The following GLCCI1 variants were observed in gnomAD, a reference collection of about 807,000 sequenced individuals.
The protein encoded by GLCCI1 is glucocorticoid-induced transcript 1 protein.
GLCCI1 carries 24 observed loss-of-function variants against 52.2 expected under a neutral mutation model. The observed-to-expected ratio is 0.46, with a 90% confidence interval of 0.33 to 0.65. GLCCI1 has a LOEUF of 0.65. Ranked by LOEUF, GLCCI1 falls within the 30% of genes least tolerant of loss-of-function variation. The pLI, the probability that GLCCI1 is intolerant of heterozygous loss-of-function variation, is 0.02. For missense variants in GLCCI1, 704 were observed against 701.5 expected, an observed-to-expected ratio of 1.00 and a Z score of -0.04; for synonymous variants, 310 against 276.5, an observed-to-expected ratio of 1.12 and a Z score of -1.20.
At chr7:8,032,929 A>C (rs1253390211) in intron 3 of GLCCI1, among the ~76,000 whole-genome samples, 3 of 152,014 alleles carry the variant, frequency 2.0e-5, no homozygotes, top group Non-Finnish European at 4.4e-5. Context: ...CTGTCCTTTC[A>C]AAGTCAGGCA....
intron 5 of GLCCI1, among the ~76,000 whole-genome samples, chr7:8,064,699 TTTTTA>T (rs986794225): frequency 4.6e-5 from 7 of 151,962 alleles, no homozygotes; most frequent in Admixed American, 1.3e-4. Flanking sequence ...ACAGTATGGC[TTTTTA>T]TTTTATTTTT....
chr7:8,023,388 C>A (rs1447937216), intron 3 of GLCCI1, among the ~76,000 whole-genome samples: 5 of 151,922 alleles, frequency 3.3e-5, no homozygotes, highest in African/African-American at 9.7e-5. Context: ...TTTCTATGAC[C>A]CGTTTCCTTA....
chr7:8,025,572 A>G (rs1781600780), intron 3 of GLCCI1, among the ~76,000 whole-genome samples: 1 of 152,208 alleles, frequency 6.6e-6, no homozygotes, highest in Non-Finnish European at 1.5e-5. Flanking sequence ...AAAGCCTCAT[A>G]GGAGAAAAGA....
intron 1 of GLCCI1, among the ~76,000 whole-genome samples, chr7:7,973,413 C>CGTGCGTGTGTGTGT (rs1554257313): frequency 1.4e-5 from 2 of 147,590 alleles, no homozygotes. Context: ...TCTTTGTGTG[C>CGTGCGTGTGTGTGT]GTGTGTGTGT....
chr7:8,004,956 T>C (rs1218162182), intron 2 of GLCCI1, among the ~76,000 whole-genome samples: 1 of 152,226 alleles, frequency 6.6e-6, no homozygotes, highest in African/African-American at 2.4e-5. Flanking sequence ...TTTTGTCATT[T>C]TCTCAGGCAA....
chr7:8,082,080 C>T (rs1783007617), intron 6 of GLCCI1, among the ~76,000 whole-genome samples: 1 of 152,114 alleles, frequency 6.6e-6, no homozygotes, highest in South Asian at 2.1e-4. Flanking sequence ...ATTAAGATTA[C>T]CATGAGACTT....
intron 5 of GLCCI1, among the ~76,000 whole-genome samples, chr7:8,066,572 G>C (rs1426630589): frequency 1.3e-5 from 2 of 150,684 alleles, no homozygotes; most frequent in South Asian, 4.2e-4. Flanking sequence ...ATAGAATCTA[G>C]TATGTTGTAT....
intron 2 of GLCCI1, among the ~76,000 whole-genome samples, chr7:8,017,325 C>G (rs1015883550): frequency 1.3e-5 from 2 of 152,122 alleles, no homozygotes; most frequent in African/African-American, 4.8e-5. Flanking sequence ...ATGTTCAAAG[C>G]TAGCAAGAAA....
At chr7:8,013,778 C>T (rs1327814053) in intron 2 of GLCCI1, among the ~76,000 whole-genome samples, 1 of 152,108 alleles carries the variant, frequency 6.6e-6, no homozygotes, top group Non-Finnish European at 1.5e-5. Flanking sequence ...TATTTAATAT[C>T]TAATTTACAT....
At chr7:8,082,219 C>T (rs1213140758) in intron 6 of GLCCI1, among the ~76,000 whole-genome samples, 1 of 152,116 alleles carries the variant, frequency 6.6e-6, no homozygotes, top group Non-Finnish European at 1.5e-5. Context: ...GAATGAGTAG[C>T]ATAGGTTGGT....
intron 1 of GLCCI1, among the ~76,000 whole-genome samples, chr7:7,987,496 C>T (rs376451643): frequency 1.1e-3 from 163 of 152,218 alleles, no homozygotes; most frequent in African/African-American, 3.8e-3. Context: ...ATCTCATTGC[C>T]CACCAAATGT....
intron 1 of GLCCI1, among the ~76,000 whole-genome samples, chr7:8,001,770 G>A (rs1038251052): frequency 6.6e-6 from 1 of 152,188 alleles, no homozygotes; most frequent in African/African-American, 2.4e-5. Flanking sequence ...ATACTATGCA[G>A]CCATAAAAAA....
chr7:8,028,986 G>A (rs1781687942), intron 3 of GLCCI1, among the ~76,000 whole-genome samples: 1 of 152,108 alleles, frequency 6.6e-6, no homozygotes, highest in South Asian at 2.1e-4. Flanking sequence ...AAAAGCCTGG[G>A]ACCCAATGGC....
chr7:8,022,629 T>C, intron 3 of GLCCI1, 60 bp downstream of exon 3: 1 of 1,007,714 alleles, frequency 9.9e-7, no homozygotes, highest in Non-Finnish European at 1.4e-6. Context: ...TACCTTAGTA[T>C]TTCCTGAATG....
intron 1 of GLCCI1, among the ~76,000 whole-genome samples, chr7:7,987,537 C>G (rs1265818379): frequency 6.6e-6 from 1 of 152,072 alleles, no homozygotes; most frequent in Non-Finnish European, 1.5e-5. Flanking sequence ...CTATTTCACT[C>G]TAACAAATTG....
chr7:8,088,373 C>T lies in GLCCI1; in HGVS notation c.*1835C>T, dbSNP rs1228704316. Reference sequence around the variant, plus strand: ...TGCATTCTGGCTCCTTTAAATTAGTCAGTGTTATATTGTAGGAGACTGTCA... The same window carrying T: ...TGCATTCTGGCTCCTTTAAATTAGTTAGTGTTATATTGTAGGAGACTGTCA... On this transcript the variant is annotated 3_prime_UTR_variant, in exon 8 of 8. Coordinates refer to ENST00000223145, the MANE Select transcript of GLCCI1 (RefSeq NM_138426.4). 6.6e-6 allele frequency: 1 copy of T among 152,212 alleles called. No homozygotes were observed. Among genetic ancestry groups the T allele is most frequent in the East Asian group, 1.9e-4 (1 of 5,182 alleles). The allele number at this position is 152,212 out of a possible 1,614,324, so 9.4% of individuals were successfully genotyped here. A position where few individuals can be genotyped will look rare whatever the true frequency, so the allele number is the denominator to read the frequency against.
At chr7:8,031,020 A>G (rs1781736103) in intron 3 of GLCCI1, among the ~76,000 whole-genome samples, 2 of 152,176 alleles carry the variant, frequency 1.3e-5, no homozygotes, top group Non-Finnish European at 2.9e-5. Context: ...CATATGATCC[A>G]GCAATCCTAC....
At chr7:7,987,621 T>C (rs1398024388) in intron 1 of GLCCI1, among the ~76,000 whole-genome samples, 1 of 152,168 alleles carries the variant, frequency 6.6e-6, no homozygotes, top group Non-Finnish European at 1.5e-5. Context: ...AGAGTCTCGC[T>C]CTGTTGCCCA....
At chr7:8,058,764 G>A (rs1269421108) in intron 4 of GLCCI1, among the ~76,000 whole-genome samples, 1 of 152,096 alleles carries the variant, frequency 6.6e-6, no homozygotes, top group Admixed American at 6.5e-5. Context: ...TGGGGGTTGG[G>A]GCATTGACCC....
Sources: allele counts gnomAD v4.1 joint callset (sites outside exome capture counted in the v4.1 genomes callset), GRCh38; gene constraint gnomAD v4.1.1; transcripts MANE v1.5; gene names NCBI Gene and HGNC (gene_info 2026-07-23, HGNC 2026-07-21).